ZNF423: variants seen among roughly 807,000 people sequenced by gnomAD.
The protein encoded by ZNF423 is zinc finger protein 423.
ZNF423 carries 12 observed loss-of-function variants against 95.8 expected under a neutral mutation model. The ratio of observed to expected loss-of-function variants is 0.13; its 90% CI spans 0.08 to 0.20. ZNF423 has a LOEUF of 0.20. Ranked by LOEUF, ZNF423 falls within the 10% of genes least tolerant of loss-of-function variation. The pLI is 1.00. For synonymous variants in ZNF423, 749 were observed against 711.9 expected (o/e 1.05, Z -0.83); for missense variants, 1,316 against 1,737.1 (o/e 0.76, Z 4.31).
At chr16:49,838,646 C>G (rs528255805) in intron 1 of ZNF423, among the ~76,000 whole-genome samples, 1 of 152,092 alleles carries the variant, frequency 6.6e-6, no homozygotes, top group East Asian at 1.9e-4. Flanking sequence ...TCGACGCCGC[C>G]GTCCCCAGCG....
At chr16:49,798,396 T>G (rs974644664) in intron 1 of ZNF423, among the ~76,000 whole-genome samples, 11 of 151,966 alleles carry the variant, frequency 7.2e-5, no homozygotes, top group Non-Finnish European at 1.6e-4. Context: ...TAATCCCAGC[T>G]ACTCAGAAGG....
chr16:49,839,384 C>G (rs1220385770), intron 1 of ZNF423, among the ~76,000 whole-genome samples: 1 of 152,132 alleles, frequency 6.6e-6, no homozygotes, highest in Non-Finnish European at 1.5e-5. Context: ...AGCCTCCTGG[C>G]CCCATGTGCC....
chr16:49,724,625 G>A (rs1283321082), intron 3 of ZNF423, among the ~76,000 whole-genome samples: 2 of 152,326 alleles, frequency 1.3e-5, no homozygotes, highest in South Asian at 2.1e-4. Context: ...CCAGCCGGCC[G>A]ACAGCACACG....
At position 49,730,840 on chromosome 16, in the gene ZNF423, C is replaced by T. The variant is rs149531360; in HGVS notation, c.232G>A (p.Asp78Asn). 26 of 1,614,032 alleles carry T rather than the reference C, an allele frequency of 1.6e-5. No individual in the cohort carries two copies. Among genetic ancestry groups the T allele is most frequent in the East Asian group, 4.5e-5 (2 of 44,880 alleles). ...DMEDESIYTC[D>N]HCQQDFESLA... ...GACTCGAAGTCCTGCTGACAGTGATCGCAGGTGTAAATTGATTCATCCTCC... is the reference window on the plus strand; with the variant it reads ...GACTCGAAGTCCTGCTGACAGTGATTGCAGGTGTAAATTGATTCATCCTCC... The change falls in exon 3 of 8, where the codon GAT becomes AAT. Residue 78 changes from aspartate to asparagine, a missense_variant. Transcript: ENST00000563137.
chr16:49,501,033 C>T (rs936681560), intron 7 of ZNF423, among the ~76,000 whole-genome samples: 1 of 152,142 alleles, frequency 6.6e-6, no homozygotes, highest in Non-Finnish European at 1.5e-5. Context: ...ACGGAAGCAC[C>T]TGTCAGCAGG....
intron 5 of ZNF423, among the ~76,000 whole-genome samples, chr16:49,600,222 G>A (rs955650591): frequency 9.2e-5 from 14 of 152,054 alleles, no homozygotes; most frequent in Non-Finnish European, 4.4e-5. Flanking sequence ...TGAGGCAGAA[G>A]AGCGGCTTGA....
intron 7 of ZNF423, among the ~76,000 whole-genome samples, chr16:49,505,685 G>A (rs1818226128): frequency 6.6e-6 from 1 of 152,230 alleles, no homozygotes; most frequent in Non-Finnish European, 1.5e-5. Flanking sequence ...ACACGTAGGT[G>A]TACATCCTTG....
chr16:49,536,752 T>C (rs1316601719), intron 5 of ZNF423, among the ~76,000 whole-genome samples: 5 of 152,246 alleles, frequency 3.3e-5, no homozygotes, highest in Non-Finnish European at 7.3e-5. Flanking sequence ...GTTGAATATA[T>C]TTAAACATTC....
chr16:49,774,649 G>T (rs892866342), intron 2 of ZNF423, among the ~76,000 whole-genome samples: 1 of 152,156 alleles, frequency 6.6e-6, no homozygotes, highest in Non-Finnish European at 1.5e-5. Context: ...CATCCAGTAA[G>T]AAGTAAGCAA....
chr16:49,535,660 A>G (rs748021750), intron 5 of ZNF423, among the ~76,000 whole-genome samples: 5 of 152,124 alleles, frequency 3.3e-5, no homozygotes, highest in African/African-American at 4.8e-5. Context: ...CTGCCTGCAC[A>G]TTTTCAGAAG....
At chr16:49,548,822 C>G (rs1187940848) in intron 5 of ZNF423, among the ~76,000 whole-genome samples, 1 of 152,170 alleles carries the variant, frequency 6.6e-6, no homozygotes, top group Non-Finnish European at 1.5e-5. Context: ...CACCCGGACC[C>G]ACACTCCTGC....
chr16:49,746,163 G>A (rs1567324319), intron 2 of ZNF423, among the ~76,000 whole-genome samples: 1 of 152,116 alleles, frequency 6.6e-6, no homozygotes. Context: ...TGAGTGGAAT[G>A]CAATGTTGGC....
chr16:49,642,600 G>T (rs996198080), intron 3 of ZNF423, among the ~76,000 whole-genome samples: 5 of 152,128 alleles, frequency 3.3e-5, no homozygotes, highest in African/African-American at 4.8e-5. Flanking sequence ...GACATATAAA[G>T]TCCCAAACTC....
At chr16:49,688,996 C>T (rs979420982) in intron 3 of ZNF423, among the ~76,000 whole-genome samples, 4 of 152,226 alleles carry the variant, frequency 2.6e-5, no homozygotes, top group African/African-American at 9.6e-5. Flanking sequence ...CCCGAGACAG[C>T]ATACCAGGCA....
chr16:49,810,844 A>G (rs2034739368), intron 1 of ZNF423, among the ~76,000 whole-genome samples: 1 of 152,090 alleles, frequency 6.6e-6, no homozygotes, highest in South Asian at 2.1e-4. Context: ...CACAAATGGG[A>G]CCTGGGGCAT....
At chr16:49,680,081 G>A (rs561720991) in intron 3 of ZNF423, among the ~76,000 whole-genome samples, 57 of 152,282 alleles carry the variant, frequency 3.7e-4, no homozygotes, top group Middle Eastern at 3.4e-3. Flanking sequence ...TCTGTGGAAA[G>A]GATCTACCCA....
intron 1 of ZNF423, among the ~76,000 whole-genome samples, chr16:49,824,299 G>GC (rs976191806): frequency 6.6e-6 from 1 of 152,000 alleles, no homozygotes; most frequent in South Asian, 2.1e-4. Context: ...AGAGATTAGA[G>GC]CCCCCCTGTC....
At chr16:49,560,894 C>T (rs774764977) in intron 5 of ZNF423, among the ~76,000 whole-genome samples, 2 of 152,114 alleles carry the variant, frequency 1.3e-5, no homozygotes, top group African/African-American at 4.8e-5. Context: ...TCCTTTAGCA[C>T]GTGGAACTTA....
Position 49,855,057 on chromosome 16 carries a change from G to T in ZNF423, c.40+678C>A, listed in dbSNP as rs1196398873. 1.0e-6 allele frequency: 1 copy of T among 984,410 alleles called. No homozygotes were observed. Among genetic ancestry groups the T allele is most frequent in the Non-Finnish European group, 1.2e-6 (1 of 829,486 alleles). The allele number at this position is 984,410 out of a possible 1,614,324, so 61.0% of individuals were successfully genotyped here. On this transcript the variant is annotated intron_variant, in intron 1 of 7. Coordinates refer to ENST00000563137, the MANE Select transcript of ZNF423 (RefSeq NM_001379286.1). The surrounding 1 kb of genome is among the most constrained non-coding windows in gnomAD (Gnocchi z 4.7). ...GCGCCGTGCAGACAATGAACTCCTG[G>T]CGGAGGCTCCCTGCCCGGTGGGCCT...
Sources: allele counts gnomAD v4.1 joint callset (sites outside exome capture counted in the v4.1 genomes callset), GRCh38; gene constraint gnomAD v4.1.1; non-coding constraint Gnocchi (gnomAD v3.1); transcripts MANE v1.5; gene names NCBI Gene and HGNC (gene_info 2026-07-23, HGNC 2026-07-21).